BNC2: variants seen among roughly 807,000 people sequenced by gnomAD.
The protein encoded by BNC2 is zinc finger protein basonuclin-2.
BNC2 carries 20 observed loss-of-function variants against 76.3 expected under a neutral mutation model. That is an observed-to-expected ratio of 0.26 (90% CI 0.18 to 0.38). The LOEUF is 0.38. Among genes scored for constraint, BNC2 ranks in the 10% least tolerant of loss-of-function variants. The pLI, the probability that BNC2 is intolerant of heterozygous loss-of-function variation, is 1.00. For synonymous variants in BNC2, 582 were observed against 514.8 expected (o/e 1.13, Z -1.77); for missense variants, 1,382 against 1,399.8 (o/e 0.99, Z 0.20).
Position 16,411,912 on chromosome 9 carries a change from A to T in BNC2, c.*7077T>A, listed in dbSNP as rs538337182. ...GTTGGAAGGAAGCATGGCATCCCCT[A>T]GTCCCAGAAAGAAGACGCTTGATAG... On this transcript the variant is annotated 3_prime_UTR_variant, in exon 7 of 7. Coordinates refer to ENST00000380672, the MANE Select transcript of BNC2 (RefSeq NM_017637.6). 6.6e-6 allele frequency: 1 copy of T among 152,198 alleles called. No homozygotes were observed. The highest frequency in any genetic ancestry group is 1.9e-4 in the East Asian group (1 of 5,194). 9.4% of individuals were successfully genotyped at this position (152,198 alleles called of 1,614,324 possible).
chr9:16,661,551 C>T (rs1013378154), intron 3 of BNC2, among the ~76,000 whole-genome samples: 6 of 152,130 alleles, frequency 3.9e-5, no homozygotes, highest in Admixed American at 3.3e-4. Flanking sequence ...TTAGTGTTAT[C>T]AGTTTCCTCT....
intron 4 of BNC2, among the ~76,000 whole-genome samples, chr9:16,569,677 TA>T (rs1819266097): frequency 6.6e-6 from 1 of 152,204 alleles, no homozygotes. Context: ...TCTTCTTTCT[TA>T]CATGGCCCAC....
At chr9:16,479,050 G>A (rs747007898) in intron 5 of BNC2, among the ~76,000 whole-genome samples, 1 of 152,072 alleles carries the variant, frequency 6.6e-6, no homozygotes, top group Non-Finnish European at 1.5e-5. Context: ...TCAGGAGTTC[G>A]AGACCAGCCT....
chr9:16,444,251 G>C (rs1821186286), intron 5 of BNC2, among the ~76,000 whole-genome samples: 1 of 151,716 alleles, frequency 6.6e-6, no homozygotes, highest in Admixed American at 6.6e-5. Context: ...CACACACACA[G>C]AGTTTAGAAA....
chr9:16,557,361 T>C lies in BNC2; in HGVS notation c.434-4596A>G, dbSNP rs1350310725. On this transcript the variant is annotated intron_variant, in intron 4 of 6. Transcript: ENST00000380672. ...TAAAAACACAAAAATAAGCCGGGCA[T>C]GGTGGCACACGCCTGTAGTCCCAGC... is the stretch of plus-strand genomic sequence containing the variant. 2.0e-5 allele frequency among the ~76,000 whole-genome samples: 3 copies of C among 151,832 alleles called. No individual in the cohort carries two copies. The East Asian group carries it at 5.8e-4, about 29-fold the overall frequency.
intron 5 of BNC2, among the ~76,000 whole-genome samples, chr9:16,548,634 A>AC (rs919499214): frequency 6.6e-6 from 1 of 152,192 alleles, no homozygotes; most frequent in South Asian, 2.1e-4. Context: ...CAAACTCCTG[A>AC]CCTCAAGTGA....
intron 1 of BNC2, among the ~76,000 whole-genome samples, chr9:16,773,158 CGGAT>C (rs1467517546): frequency 6.6e-6 from 1 of 152,096 alleles, no homozygotes; most frequent in Non-Finnish European, 1.5e-5. Context: ...CCCAGACAGA[CGGAT>C]GGATCAGACA....
chr9:16,546,154 G>GA (rs1818475440), intron 5 of BNC2, among the ~76,000 whole-genome samples: 2 of 152,104 alleles, frequency 1.3e-5, no homozygotes, highest in South Asian at 2.1e-4. Flanking sequence ...AGATATAAGT[G>GA]AAAAAATGCC....
chr9:16,754,265 A>G (rs1268903459), intron 1 of BNC2, among the ~76,000 whole-genome samples: 1 of 152,150 alleles, frequency 6.6e-6, no homozygotes, highest in Non-Finnish European at 1.5e-5. Flanking sequence ...CCTGAGCGCC[A>G]TTTCTACCTA....
intron 1 of BNC2, among the ~76,000 whole-genome samples, chr9:16,758,289 A>T (rs7868192): frequency 0.81 from 123,053 of 151,828 alleles, 51,323 homozygotes; most frequent in Non-Finnish European, 0.91. Flanking sequence ...AAATCCAGGA[A>T]TATCTCCCTC....
intron 3 of BNC2, among the ~76,000 whole-genome samples, chr9:16,681,358 A>G (rs539990305): frequency 6.6e-6 from 1 of 152,304 alleles, no homozygotes; most frequent in East Asian, 1.9e-4. Flanking sequence ...AATAAACTTT[A>G]AACTCTCATG....
At chr9:16,634,895 T>A (rs1040424499) in intron 3 of BNC2, among the ~76,000 whole-genome samples, 4 of 152,190 alleles carry the variant, frequency 2.6e-5, no homozygotes, top group African/African-American at 9.6e-5. Flanking sequence ...GTTTTTTTTT[T>A]TCTTTTAATC....
At chr9:16,779,146 A>AAAAG (rs1298328814) in intron 1 of BNC2, among the ~76,000 whole-genome samples, 4 of 143,578 alleles carry the variant, frequency 2.8e-5, no homozygotes, top group African/African-American at 1.1e-4. Flanking sequence ...AAAAGAAAAG[A>AAAAG]AAAAAAAACC....
At chr9:16,459,400 T>G (rs1463228263) in intron 5 of BNC2, among the ~76,000 whole-genome samples, 1 of 152,138 alleles carries the variant, frequency 6.6e-6, no homozygotes, top group Non-Finnish European at 1.5e-5. Context: ...TTGTTTTCTG[T>G]GTCTTTAGGG....
intron 1 of BNC2, among the ~76,000 whole-genome samples, chr9:16,821,985 C>G (rs778929758): frequency 6.7e-5 from 10 of 148,392 alleles, no homozygotes; most frequent in Non-Finnish European, 1.3e-4. Flanking sequence ...CCCAGCTACT[C>G]GGGAGGCTGA....
At chr9:16,433,974 TG>T (rs1324366307) in intron 6 of BNC2, among the ~76,000 whole-genome samples, 2 of 152,198 alleles carry the variant, frequency 1.3e-5, no homozygotes, top group Non-Finnish European at 2.9e-5. Flanking sequence ...TGGAGGAGGT[TG>T]GGTACAGTAT....
At chr9:16,723,936 G>C (rs1454272386) in intron 3 of BNC2, among the ~76,000 whole-genome samples, 1 of 152,032 alleles carries the variant, frequency 6.6e-6, no homozygotes, top group African/African-American at 2.4e-5. Flanking sequence ...GAGAATGTCA[G>C]ACAGTTGTTC....
rs1822014842 is a variant in BNC2 at position 16,480,124 on chromosome 9, A to T, written c.670-42600T>A. 2.0e-5 allele frequency among the ~76,000 whole-genome samples: 3 copies of T among 152,218 alleles called. No individual in the cohort carries two copies. The South Asian group carries it at 6.2e-4, about 32-fold the overall frequency. Reference sequence around the variant, plus strand: ...CATCTCCATTAAATAGGTACTTTTAATATTATCATCTCCATTTTAAAAATA... The same window carrying T: ...CATCTCCATTAAATAGGTACTTTTATTATTATCATCTCCATTTTAAAAATA... On this transcript the variant is annotated intron_variant, in intron 5 of 6. Coordinates refer to ENST00000380672, the MANE Select transcript of BNC2 (RefSeq NM_017637.6).
intron 5 of BNC2, among the ~76,000 whole-genome samples, chr9:16,453,630 A>C (rs1188184988): frequency 1.3e-5 from 2 of 152,026 alleles, no homozygotes; most frequent in Non-Finnish European, 2.9e-5. Context: ...TGCACCTCTG[A>C]CCACATTACA....
Sources: gnomAD v4.1 joint callset for allele counts (sites outside exome capture counted in the v4.1 genomes callset) on GRCh38, gnomAD v4.1.1 for gene constraint, MANE v1.5 for transcripts, NCBI Gene and HGNC (gene_info 2026-07-23, HGNC 2026-07-21) for gene names.